The following USP46 variants were observed in gnomAD, a reference collection of about 807,000 sequenced individuals.
The protein encoded by USP46 is ubiquitin specific peptidase 46.
Under a neutral mutation model 44.4 loss-of-function variants are expected in USP46, and 12 were observed. The ratio of observed to expected loss-of-function variants is 0.27; its 90% CI spans 0.17 to 0.44. The LOEUF (loss-of-function observed/expected upper bound fraction) is 0.44. Ranked by LOEUF, USP46 falls within the 20% of genes least tolerant of loss-of-function variation. The probability of loss-of-function intolerance (pLI) is 1.00; values close to 1 mark genes in which losing one functional copy is unlikely to be tolerated. For missense variants in USP46, 248 were observed against 444.8 expected (o/e 0.56, Z 3.98); for synonymous variants, 155 against 161.5 (o/e 0.96, Z 0.31).
intron 4 of USP46, among the ~76,000 whole-genome samples, chr4:52,620,964 C>T (rs1717352355): frequency 6.6e-6 from 1 of 152,150 alleles, no homozygotes; most frequent in Admixed American, 6.5e-5. Flanking sequence ...AAGCATCATG[C>T]AACAACACAA....
intron 4 of USP46, among the ~76,000 whole-genome samples, chr4:52,621,278 A>C (rs1001810635): frequency 3.3e-5 from 5 of 152,176 alleles, no homozygotes; most frequent in East Asian, 1.9e-4. Flanking sequence ...AAAATCGTAG[A>C]TCTCACAATC....
chr4:52,627,743 G>A (rs10001387), intron 3 of USP46, among the ~76,000 whole-genome samples: 1,785 of 152,280 alleles, frequency 0.012, 26 homozygotes, highest in East Asian at 0.05. Context: ...TAATAAATGT[G>A]CGTTTTTAAG....
rs1043293371 is a variant in USP46, at chr4:52,628,053, C to G, written c.228G>C (p.Leu76Phe). The change falls in exon 3 of 9, where the codon TTG becomes TTC. Residue 76 changes from leucine to phenylalanine, a missense_variant. This residue lies in a region of USP46 where 54 missense variants were observed against 135.0 expected (regional missense o/e 0.40). Coordinates refer to ENST00000441222, the MANE Select transcript of USP46 (RefSeq NM_022832.4). ...YKAQQKKKEN[L>F]LTCLADLFHS... is the part of the protein sequence containing the mutation. Reference sequence around the variant, plus strand: ...GGAAAAGGTCCGCCAGGCACGTCAGCAAGTTTTCCTTCTTCTTTTGCTGGG... The same window carrying G: ...GGAAAAGGTCCGCCAGGCACGTCAGGAAGTTTTCCTTCTTCTTTTGCTGGG... 7 of 1,613,872 alleles carry G rather than the reference C, an allele frequency of 4.3e-6. No individual in the cohort carries two copies. Among genetic ancestry groups the G allele is most frequent in the Non-Finnish European group, 5.9e-6 (7 of 1,179,886 alleles).
At chr4:52,647,207 G>A (rs139153003) in intron 1 of USP46, among the ~76,000 whole-genome samples, 1 of 152,248 alleles carries the variant, frequency 6.6e-6, no homozygotes, top group East Asian at 1.9e-4. Flanking sequence ...AACAGCAAGG[G>A]GCAGATCAGG....
At chr4:52,622,549 T>C (rs962916085) in intron 4 of USP46, among the ~76,000 whole-genome samples, 1 of 152,148 alleles carries the variant, frequency 6.6e-6, no homozygotes, top group Non-Finnish European at 1.5e-5. Flanking sequence ...AAATACTCCT[T>C]GGGCACCAGA....
At chr4:52,651,605 G>A (rs773630350) in intron 1 of USP46, among the ~76,000 whole-genome samples, 7 of 152,238 alleles carry the variant, frequency 4.6e-5, no homozygotes, top group East Asian at 3.9e-4. Flanking sequence ...TTCCTGCACT[G>A]TGTACCTAAC....
intron 4 of USP46, among the ~76,000 whole-genome samples, chr4:52,614,517 C>G (rs1264151904): frequency 6.6e-6 from 1 of 152,040 alleles, no homozygotes; most frequent in African/African-American, 2.4e-5. Flanking sequence ...CTTTCATGTG[C>G]TGAAAGAAAA....
intron 4 of USP46, among the ~76,000 whole-genome samples, chr4:52,622,293 C>T (rs1717407889): frequency 6.6e-6 from 1 of 151,860 alleles, no homozygotes; most frequent in Non-Finnish European, 1.5e-5. Context: ...TATATGTGGC[C>T]TATATATAAA....
intron 4 of USP46, among the ~76,000 whole-genome samples, chr4:52,618,966 C>T (rs1053470008): frequency 3.3e-5 from 5 of 152,066 alleles, no homozygotes; most frequent in African/African-American, 4.8e-5. Context: ...CACTGAGAAG[C>T]ACGGAAAAAT....
At position 52,604,580 on chromosome 4, in the gene USP46, A is replaced by G; in HGVS notation, c.643T>C (p.Phe215Leu). The G allele has an allele frequency of 6.3e-7, 1 of 1,598,000 alleles. No homozygotes were observed. The change falls in exon 6 of 9, where the codon TTC becomes CTC. Residue 215 changes from phenylalanine (F) to leucine (L), a missense_variant. Phe to Leu is a conservative substitution (Grantham distance 22). This residue lies in a region of USP46 where 98 missense variants were observed against 218.2 expected (regional missense o/e 0.45). Transcript: ENST00000441222. ...CTACACAGTGTTTCTGTGTTGCTGAAGTCTCTGTAGAGGAAAATATTTCCA... is the reference window on the plus strand; with the variant it reads ...CTACACAGTGTTTCTGTGTTGCTGAGGTCTCTGTAGAGGAAAATATTTCCA... ...NTSITHCLRDFSNTETLCSEQ... is the reference protein window; with the variant it reads ...NTSITHCLRDLSNTETLCSEQ...
In USP46 at chr4:52,592,822, G is replaced by A. The variant is rs1716075016; in HGVS notation, c.*4818C>T. 3 of 397,942 alleles carry A rather than the reference G, an allele frequency of 7.5e-6. No homozygotes were observed. Among genetic ancestry groups the A allele is most frequent in the Non-Finnish European group, 1.3e-5 (3 of 225,986 alleles). The allele number at this position is 397,942 out of a possible 1,614,324, so 24.7% of individuals were successfully genotyped here. ...TCACTGCACTCCAGCCTGGGTGACAGTGAGACTCCATCTTAAAAAAAAAAA... is the reference window on the plus strand; with the variant it reads ...TCACTGCACTCCAGCCTGGGTGACAATGAGACTCCATCTTAAAAAAAAAAA... On this transcript the variant is annotated 3_prime_UTR_variant, in exon 9 of 9. Transcript: ENST00000441222.
At chr4:52,656,259 G>A (rs753646729) in intron 1 of USP46, 1 of 1,548,120 alleles carries the variant, frequency 6.5e-7, no homozygotes, top group South Asian at 1.2e-5. Flanking sequence ...GCCCACAGAG[G>A]AGCTAAGCAG....
In USP46 at chr4:52,626,054, C is replaced by A. The variant is rs760329433; in HGVS notation, c.525G>T (p.Thr175=). The A allele has an allele frequency of 6.2e-7, 1 of 1,613,782 alleles. No individual in the cohort carries two copies. Among genetic ancestry groups the A allele is most frequent in the Non-Finnish European group, 8.5e-7 (1 of 1,179,864 alleles). Residue 175 remains threonine (T), a synonymous_variant, in exon 4 of 9, where the codon ACG becomes ACT. Transcript: ENST00000441222. ...TCAAGCATCGAGTTTCATTGGTAAGCGTTCCCTGAAAAATCTCATGGACCC... is the reference window on the plus strand; with the variant it reads ...TCAAGCATCGAGTTTCATTGGTAAGAGTTCCCTGAAAAATCTCATGGACCC... ...LTWVHEIFQG[T]LTNETRCLNC...
chr4:52,602,689 G>A (rs1427392563), intron 6 of USP46, among the ~76,000 whole-genome samples: 1 of 152,220 alleles, frequency 6.6e-6, no homozygotes, highest in Non-Finnish European at 1.5e-5. Context: ...CACTGGAGAT[G>A]TTAACAGATG....
chr4:52,636,021 A>G (rs1399490580), intron 1 of USP46, among the ~76,000 whole-genome samples: 7 of 152,206 alleles, frequency 4.6e-5, no homozygotes, highest in Non-Finnish European at 1.0e-4. Flanking sequence ...ACTAGAAAAT[A>G]CATGACCTGA....
intron 1 of USP46, among the ~76,000 whole-genome samples, chr4:52,638,297 G>GGAA (rs1185999276): frequency 6.6e-6 from 1 of 152,014 alleles, no homozygotes; most frequent in Non-Finnish European, 1.5e-5. Flanking sequence ...CCTTGAAGAG[G>GGAA]GAAGAAGGAG....
intron 2 of USP46, among the ~76,000 whole-genome samples, chr4:52,630,408 TAAAC>T (rs1717772256): frequency 6.6e-6 from 1 of 152,196 alleles, no homozygotes; most frequent in Non-Finnish European, 1.5e-5. Flanking sequence ...GATGCATACT[TAAAC>T]AAAGACTGGC....
intron 1 of USP46, chr4:52,656,463 G>C (rs1398663839): frequency 1.5e-5 from 22 of 1,447,730 alleles, no homozygotes; most frequent in Non-Finnish European, 2.0e-5. Context: ...CTGAGCAGGG[G>C]GCGGGGTTAA....
At chr4:52,610,905 A>G (rs895266222) in intron 4 of USP46, among the ~76,000 whole-genome samples, 1 of 152,138 alleles carries the variant, frequency 6.6e-6, no homozygotes, top group African/African-American at 2.4e-5. Flanking sequence ...CCATCGTTTC[A>G]AAGTAGGGAG....
Sources: allele counts gnomAD v4.1 joint callset (sites outside exome capture counted in the v4.1 genomes callset), GRCh38; gene constraint gnomAD v4.1.1; regional missense constraint gnomAD v4.1.1; transcripts MANE v1.5; gene names NCBI Gene and HGNC (gene_info 2026-07-23, HGNC 2026-07-21).